Variants in ANXA8 observed in about 807,000 individuals in gnomAD.
The protein encoded by ANXA8 is VAC-beta.
ANXA8 carries 9 observed loss-of-function variants against 26.8 expected under a neutral mutation model. The ratio of observed to expected loss-of-function variants is 0.34; its 90% CI spans 0.20 to 0.59. The LOEUF is 0.59. Among genes scored for constraint, ANXA8 ranks in the 20% least tolerant of loss-of-function variants. The probability of loss-of-function intolerance (pLI) is 0.84; values close to 1 mark genes in which losing one functional copy is unlikely to be tolerated. For missense variants in ANXA8, 83 were observed against 238.5 expected, an observed-to-expected ratio of 0.35 and a Z score of 4.29; for synonymous variants, 39 against 94.8, an observed-to-expected ratio of 0.41 and a Z score of 3.42.
chr10:47,767,839 G>C, the ANXA8 span, among the ~76,000 whole-genome samples: 2 of 149,262 alleles, frequency 1.3e-5, no homozygotes, highest in Non-Finnish European at 3.0e-5. Flanking sequence ...AAAGCCCCAC[G>C]TGGAGGAGCC....
the ANXA8 span, among the ~76,000 whole-genome samples, chr10:47,745,479 T>G: frequency 7.3e-6 from 1 of 137,442 alleles, no homozygotes; most frequent in Non-Finnish European, 1.6e-5. Flanking sequence ...CCTTTGACTC[T>G]GCACTTATGA....
the ANXA8 span, among the ~76,000 whole-genome samples, chr10:47,920,237 C>CTT: frequency 8.0e-3 from 540 of 67,634 alleles, 17 homozygotes; most frequent in African/African-American, 0.043. Flanking sequence ...AAATGAGACT[C>CTT]TTTTTTTTTT....
the ANXA8 span, among the ~76,000 whole-genome samples, chr10:47,706,003 T>TGGGGGG: frequency 6.8e-6 from 1 of 146,380 alleles, no homozygotes; most frequent in African/African-American, 2.5e-5. Flanking sequence ...GGGCGTGTTG[T>TGGGGGG]GGGGGGGGAG....
At chr10:47,909,839 C>T in the ANXA8 span, among the ~76,000 whole-genome samples, 1 of 144,804 alleles carries the variant, frequency 6.9e-6, no homozygotes, top group South Asian at 2.3e-4. Context: ...TAATATATCA[C>T]CATATCAGGG....
At chr10:47,571,561 A>G in the ANXA8 span, among the ~76,000 whole-genome samples, 197 of 145,550 alleles carry the variant, frequency 1.4e-3, 1 homozygote, top group African/African-American at 4.7e-3. Context: ...GTAAATTTCT[A>G]CAAAACAAAA....
chr10:47,670,568 TAAAG>T, the ANXA8 span, among the ~76,000 whole-genome samples: 29 of 152,032 alleles, frequency 1.9e-4, no homozygotes, highest in Admixed American at 1.9e-3. Flanking sequence ...CTAGTGGGTG[TAAAG>T]TGGTATCTTT....
the ANXA8 span, among the ~76,000 whole-genome samples, chr10:47,762,315 G>C: frequency 4.7e-5 from 7 of 150,500 alleles, no homozygotes; most frequent in Non-Finnish European, 8.9e-5. Context: ...GTGCTCAGAC[G>C]CTGGGTTCCA....
the ANXA8 span, among the ~76,000 whole-genome samples, chr10:47,678,599 C>T: frequency 6.6e-6 from 1 of 151,808 alleles, no homozygotes; most frequent in Non-Finnish European, 1.5e-5. Context: ...GCAGTAGAAC[C>T]TATTCACATT....
the ANXA8 span, among the ~76,000 whole-genome samples, chr10:47,688,419 A>C: frequency 6.7e-6 from 1 of 149,842 alleles, no homozygotes; most frequent in East Asian, 2.0e-4. Flanking sequence ...CTGGCCAAAA[A>C]TGAGTAATTT....
chr10:47,900,995 C>A, the ANXA8 span, among the ~76,000 whole-genome samples: 1 of 132,104 alleles, frequency 7.6e-6, no homozygotes, highest in South Asian at 2.6e-4. Flanking sequence ...TGGAGGAAAA[C>A]ATTGCTTTTC....
At chr10:47,528,082 G>A in the ANXA8 span, among the ~76,000 whole-genome samples, 11 of 127,866 alleles carry the variant, frequency 8.6e-5, 2 homozygotes, top group Non-Finnish European at 1.7e-4. Flanking sequence ...TTAACAGAAT[G>A]TTTTTTTTTT....
At chr10:47,626,667 T>C in the ANXA8 span, among the ~76,000 whole-genome samples, 1 of 150,294 alleles carries the variant, frequency 6.7e-6, no homozygotes, top group Admixed American at 6.6e-5. Context: ...CTTGTAAAAG[T>C]GGCATCTGGT....
the ANXA8 span, among the ~76,000 whole-genome samples, chr10:47,733,198 T>TTTCTTTCTTTCTTTC: frequency 1.4e-4 from 16 of 112,090 alleles, no homozygotes; most frequent in East Asian, 3.6e-3. Context: ...TCTTTCTTTC[T>TTTCTTTCTTTCTTTC]TTCTTTCTTT....
chr10:47,566,464 T>C, the ANXA8 span, among the ~76,000 whole-genome samples: 7 of 149,908 alleles, frequency 4.7e-5, no homozygotes, highest in East Asian at 1.4e-3. Flanking sequence ...CCCTGCTCTC[T>C]CCCTTCGGGC....
At chr10:47,676,776 G>A in the ANXA8 span, among the ~76,000 whole-genome samples, 3 of 149,194 alleles carry the variant, frequency 2.0e-5, no homozygotes, top group African/African-American at 7.6e-5. Flanking sequence ...AAATTAGCCG[G>A]GTGTGGTGGT....
At chr10:47,469,138 T>C (rs1431386221) in intron 11 of ANXA8, among the ~76,000 whole-genome samples, 5 of 148,502 alleles carry the variant, frequency 3.4e-5, no homozygotes, top group African/African-American at 1.3e-4. Flanking sequence ...AGGATTGATG[T>C]GGAAAATGAA....
At chr10:47,967,730 G>C in the ANXA8 span, among the ~76,000 whole-genome samples, 1 of 93,550 alleles carries the variant, frequency 1.1e-5, no homozygotes, top group Non-Finnish European at 2.3e-5. Context: ...GGTCACAACA[G>C]TAACTATCAG....
chr10:47,704,702 A>T, the ANXA8 span, among the ~76,000 whole-genome samples: 3 of 152,096 alleles, frequency 2.0e-5, no homozygotes, highest in African/African-American at 7.2e-5. Context: ...TGGATATAAG[A>T]TTAACATACA....
At chr10:47,487,106 G>T (rs1411469527), upstream of ANXA8, 76 of 1,137,958 alleles carry the variant, frequency 6.7e-5, no homozygotes, top group Non-Finnish European at 9.1e-5. Flanking sequence ...ACTATTCTGT[G>T]CATGTAATAA....
Sources: gnomAD v4.1 joint callset for allele counts (sites outside exome capture counted in the v4.1 genomes callset) on GRCh38, gnomAD v4.1.1 for gene constraint, MANE v1.5 for transcripts, NCBI Gene and HGNC (gene_info 2026-07-23, HGNC 2026-07-21) for gene names.